Variants in CSMD1 observed in about 807,000 individuals in gnomAD.
CSMD1 encodes the protein CUB and sushi domain-containing protein 1.
CSMD1 carries 213 observed loss-of-function variants against 417.5 expected under a neutral mutation model. The observed-to-expected ratio is 0.51, with a 90% CI of 0.46 to 0.57. The LOEUF is 0.57. CSMD1 is among the 20% of genes least tolerant of loss of function. The probability of loss-of-function intolerance (pLI) is 0.00; values close to 1 mark genes in which losing one functional copy is unlikely to be tolerated. For missense variants in CSMD1, 6,923 were observed against 4,529.7 expected (o/e 1.53, Z -15.17); for synonymous variants, 2,862 against 1,736.8 (o/e 1.65, Z -16.11).
chr8:2,985,339 T>C (rs148528726), intron 54 of CSMD1, among the ~76,000 whole-genome samples: 29 of 150,104 alleles, frequency 1.9e-4, no homozygotes, highest in Non-Finnish European at 2.5e-4. Context: ...TGTGGTGTGA[T>C]ACTGCTACAC....
intron 3 of CSMD1, among the ~76,000 whole-genome samples, chr8:4,262,151 G>C (rs1803931114): frequency 1.3e-5 from 2 of 152,068 alleles, no homozygotes; most frequent in Admixed American, 6.5e-5. Context: ...TCTGCTATTT[G>C]TAGATTCTCA....
At chr8:3,014,372 C>G (rs1052901337) in intron 52 of CSMD1, among the ~76,000 whole-genome samples, 1 of 152,138 alleles carries the variant, frequency 6.6e-6, no homozygotes. Flanking sequence ...TATATATCAT[C>G]AAGTCAATTT....
chr8:3,511,231 G>C (rs936524640), intron 10 of CSMD1, among the ~76,000 whole-genome samples: 1 of 151,666 alleles, frequency 6.6e-6, no homozygotes, highest in Non-Finnish European at 1.5e-5. Context: ...GGCCTGTTGG[G>C]GGGTGAGAGG....
At chr8:4,620,683 G>A (rs188472338) in intron 2 of CSMD1, among the ~76,000 whole-genome samples, 4 of 151,866 alleles carry the variant, frequency 2.6e-5, no homozygotes, top group African/African-American at 9.6e-5. Context: ...AAAATCATAA[G>A]AGAAGTTAGA....
intron 1 of CSMD1, among the ~76,000 whole-genome samples, chr8:4,789,777 T>A (rs1326892089): frequency 1.3e-5 from 2 of 152,226 alleles, no homozygotes; most frequent in Non-Finnish European, 2.9e-5. Context: ...AAGTTATCAC[T>A]GTGTAATTTA....
intron 10 of CSMD1, among the ~76,000 whole-genome samples, chr8:3,505,979 G>T (rs536540575): frequency 1.3e-5 from 2 of 152,074 alleles, no homozygotes; most frequent in East Asian, 3.8e-4. Context: ...AGGGTTGAGT[G>T]GATAAAAATA....
chr8:3,640,958 G>T (rs748915276), intron 7 of CSMD1, among the ~76,000 whole-genome samples: 1 of 149,926 alleles, frequency 6.7e-6, no homozygotes, highest in Non-Finnish European at 1.5e-5. Context: ...CGACAAAATC[G>T]TATGTTAAAT....
chr8:4,046,822 G>T (rs761562862), intron 3 of CSMD1, among the ~76,000 whole-genome samples: 2 of 152,044 alleles, frequency 1.3e-5, no homozygotes, highest in East Asian at 3.9e-4. Context: ...TGAACTCTAA[G>T]CGCCAGGCAC....
rs1350478474 is a variant in CSMD1, at chr8:4,137,687, G to T, written c.416-105588C>A. Among the ~76,000 whole-genome samples the T allele has an allele frequency of 3.8e-5, 5 of 130,558 alleles. 2 individuals carry two copies. Among genetic ancestry groups the T allele is most frequent in the Non-Finnish European group, 8.9e-5 (5 of 56,300 alleles). The allele number at this position is 130,558 out of a possible 152,430, so 85.7% of individuals were successfully genotyped here. ...ACTGAAAGTAACTTCTTATATAGCTGTAAGACAAGAGATCACATCGATAAA... is the reference window on the plus strand; with the variant it reads ...ACTGAAAGTAACTTCTTATATAGCTTTAAGACAAGAGATCACATCGATAAA... On this transcript the variant is annotated intron_variant, in intron 3 of 69. Transcript: ENST00000635120.
intron 3 of CSMD1, among the ~76,000 whole-genome samples, chr8:4,141,150 A>T (rs34695833): frequency 5.3e-5 from 8 of 151,114 alleles, no homozygotes; most frequent in South Asian, 2.1e-4. Flanking sequence ...TCCAATAAGT[A>T]ACAGAACGTG....
chr8:3,665,152 G>A (rs1038163510), intron 7 of CSMD1, among the ~76,000 whole-genome samples: 1 of 152,102 alleles, frequency 6.6e-6, no homozygotes. Context: ...CATGAGCATT[G>A]ACCAATGAGA....
At chr8:4,091,722 C>T (rs1351001610) in intron 3 of CSMD1, among the ~76,000 whole-genome samples, 1 of 152,180 alleles carries the variant, frequency 6.6e-6, no homozygotes, top group Non-Finnish European at 1.5e-5. Flanking sequence ...ACAAGCCTCG[C>T]TTGGTGTGCT....
chr8:3,117,110 G>A (rs535011122), intron 42 of CSMD1, among the ~76,000 whole-genome samples: 3 of 151,840 alleles, frequency 2.0e-5, no homozygotes, highest in South Asian at 2.1e-4. Flanking sequence ...TCACTCTCTC[G>A]CCCAGGCTGG....
At chr8:3,121,867 T>G (rs183944096) in intron 41 of CSMD1, among the ~76,000 whole-genome samples, 51 of 152,210 alleles carry the variant, frequency 3.4e-4, no homozygotes, top group Non-Finnish European at 5.4e-4. Context: ...ACAAGATCAG[T>G]GTGAATATCA....
chr8:3,374,333 G>T, intron 18 of CSMD1, among the ~76,000 whole-genome samples: 1 of 152,010 alleles, frequency 6.6e-6, no homozygotes, highest in Non-Finnish European at 1.5e-5. Context: ...TGCATTTAGA[G>T]TTACTTATTA....
At chr8:4,096,581 T>G (rs1006108488) in intron 3 of CSMD1, among the ~76,000 whole-genome samples, 4 of 152,144 alleles carry the variant, frequency 2.6e-5, no homozygotes, top group Non-Finnish European at 5.9e-5. Context: ...TAAGGATACC[T>G]TTTCTTAAGT....
chr8:4,194,219 G>C (rs192974846), intron 3 of CSMD1, among the ~76,000 whole-genome samples: 130 of 152,170 alleles, frequency 8.5e-4, no homozygotes, highest in African/African-American at 3.1e-3. Context: ...CTTTCGTCCA[G>C]CAATCAACAC....
intron 3 of CSMD1, among the ~76,000 whole-genome samples, chr8:4,405,777 G>C (rs1484341250): frequency 6.6e-6 from 1 of 152,178 alleles, no homozygotes; most frequent in African/African-American, 2.4e-5. Flanking sequence ...AGCTGTATTT[G>C]AGTTTGTTGA....
At chr8:4,765,230 G>C (rs2117117832) in intron 1 of CSMD1, among the ~76,000 whole-genome samples, 1 of 152,180 alleles carries the variant, frequency 6.6e-6, no homozygotes, top group African/African-American at 2.4e-5. Flanking sequence ...TCTTACCTAG[G>C]CTGAATCTTA....
Sources: gnomAD v4.1 joint callset for allele counts (sites outside exome capture counted in the v4.1 genomes callset) on GRCh38, gnomAD v4.1.1 for gene constraint, MANE v1.5 for transcripts, NCBI Gene and HGNC (gene_info 2026-07-23, HGNC 2026-07-21) for gene names.